Variants in EFCAB6 observed in about 807,000 individuals in gnomAD.
EFCAB6 encodes the protein EF-hand calcium-binding domain-containing protein 6.
Under a neutral mutation model 169.8 loss-of-function variants are expected in EFCAB6, and 156 were observed. The ratio of observed to expected loss-of-function variants is 0.92; its 90% CI spans 0.81 to 1.05. EFCAB6 has a LOEUF of 1.05. Ranked by LOEUF, EFCAB6 falls within the 50% of genes least tolerant of loss-of-function variation. The pLI, the probability that EFCAB6 is intolerant of heterozygous loss-of-function variation, is 0.00. For missense variants in EFCAB6, 1,800 were observed against 1,829.1 expected (o/e 0.98, Z 0.29); for synonymous variants, 698 against 676.4 (o/e 1.03, Z -0.50).
At chr22:43,728,683 T>A (rs1457389388) in intron 8 of EFCAB6, among the ~76,000 whole-genome samples, 1 of 152,232 alleles carries the variant, frequency 6.6e-6, no homozygotes, top group Admixed American at 6.5e-5. Flanking sequence ...CTTTTTTTCA[T>A]ATGTTTGTTG....
intron 22 of EFCAB6, among the ~76,000 whole-genome samples, chr22:43,601,399 T>C (rs2052512222): frequency 6.6e-6 from 1 of 152,244 alleles, no homozygotes; most frequent in African/African-American, 2.4e-5. Flanking sequence ...AAAAATGGCA[T>C]TCGCAGATGT....
intron 17 of EFCAB6, among the ~76,000 whole-genome samples, chr22:43,657,718 A>G (rs2056816310): frequency 6.6e-6 from 1 of 152,196 alleles, no homozygotes; most frequent in Non-Finnish European, 1.5e-5. Flanking sequence ...CTAAATTCAA[A>G]TTAAGTAGAA....
At chr22:43,591,114 T>G (rs1009702954) in intron 23 of EFCAB6, among the ~76,000 whole-genome samples, 3 of 129,756 alleles carry the variant, frequency 2.3e-5, no homozygotes, top group African/African-American at 8.7e-5. Flanking sequence ...GTTTTTTGTT[T>G]TTTTTTTTTG....
intron 1 of EFCAB6, among the ~76,000 whole-genome samples, chr22:43,809,582 CTTTTGTTTTGTTT>C (rs2063034983): frequency 6.6e-6 from 1 of 152,098 alleles, no homozygotes; most frequent in Non-Finnish European, 1.5e-5. Flanking sequence ...TCCCTGTTGC[CTTTTGTTTTGTTT>C]TTTTGTTTGG....
chr22:43,711,575 G>T lies in EFCAB6; in HGVS notation c.931C>A (p.Pro311Thr). 1 of 1,602,992 alleles carries T rather than the reference G, an allele frequency of 6.2e-7. No individual in the cohort carries two copies. Among genetic ancestry groups the T allele is most frequent in the African/African-American group, 1.3e-5 (1 of 74,090 alleles). ...AAAGACACGTAGCCACCTTTACAGG[G>T]GTCCCCTGCACTGAGGGCCTTTTCA... ...KVEKALSAGD[P>T]CKGGYVSFNY... Residue 311 changes from proline to threonine, a missense_variant, in exon 10 of 32, where the codon CCC (proline) becomes ACC (threonine). Transcript: ENST00000262726.
At chr22:43,802,740 G>A (rs757068898) in intron 2 of EFCAB6, 60 of 508,390 alleles carry the variant, frequency 1.2e-4, no homozygotes, top group South Asian at 4.2e-4. Context: ...AAAACAGACC[G>A]GGCACAGAAA....
In EFCAB6 at chr22:43,667,195, C is replaced by A. The variant is rs753233509; in HGVS notation, c.1892G>T (p.Cys631Phe). The A allele has an allele frequency of 6.2e-6, 10 of 1,614,114 alleles. No individual in the cohort carries two copies. The highest frequency in any genetic ancestry group is 8.5e-6 in the Non-Finnish European group (10 of 1,180,012). The change falls in exon 17 of 32, where the codon TGT (cysteine) becomes TTT (phenylalanine). Residue 631 changes from cysteine to phenylalanine, a missense_variant. Coordinates refer to ENST00000262726, the MANE Select transcript of EFCAB6 (RefSeq NM_022785.4). ...GAATGCCGGGTCCTGCTGCTGTATA[C>A]ACTTTTTGAATTTTTCAATCACTTC... ...TEEVIEKFKK[C>F]IQQQDPAFKK...
chr22:43,779,518 G>A (rs1206055407), intron 3 of EFCAB6, among the ~76,000 whole-genome samples: 3 of 152,152 alleles, frequency 2.0e-5, no homozygotes. Context: ...GAGGTGGGCG[G>A]ATCACAAGGT....
chr22:43,540,606 G>T, intron 27 of EFCAB6: 1 of 1,407,274 alleles, frequency 7.1e-7, no homozygotes, highest in Non-Finnish European at 9.3e-7. Context: ...AATTGAATTG[G>T]GCCCTCAGTG....
chr22:43,586,895 G>A (rs759581149), intron 24 of EFCAB6, among the ~76,000 whole-genome samples: 2 of 152,098 alleles, frequency 1.3e-5, no homozygotes, highest in South Asian at 2.1e-4. Flanking sequence ...TTTGGGGACC[G>A]CTGGCATAAA....
intron 15 of EFCAB6, among the ~76,000 whole-genome samples, chr22:43,671,283 C>T (rs2057481297): frequency 1.3e-5 from 2 of 152,126 alleles, no homozygotes; most frequent in African/African-American, 2.4e-5. Context: ...CTCACTGCAA[C>T]CTCCGCCTCC....
chr22:43,683,665 G>A (rs888866484), intron 12 of EFCAB6, 82 bp downstream of exon 12: 5 of 968,174 alleles, frequency 5.2e-6, no homozygotes, highest in Non-Finnish European at 8.3e-6. Context: ...AACGAATATG[G>A]AGTTGTTATT....
chr22:43,585,870 T>G (rs754908953), intron 24 of EFCAB6, among the ~76,000 whole-genome samples: 1 of 152,160 alleles, frequency 6.6e-6, no homozygotes, highest in Non-Finnish European at 1.5e-5. Flanking sequence ...ACTGAAATAT[T>G]TGCAGTGTTG....
chr22:43,565,698 T>G (rs73887344), intron 26 of EFCAB6, among the ~76,000 whole-genome samples: 1 of 152,148 alleles, frequency 6.6e-6, no homozygotes. Context: ...ATATACTAAG[T>G]TTTGTTCTGA....
intron 17 of EFCAB6, among the ~76,000 whole-genome samples, chr22:43,636,454 C>T (rs1019053910): frequency 2.0e-5 from 3 of 152,034 alleles, no homozygotes; most frequent in African/African-American, 4.8e-5. Context: ...AGGCTCCACA[C>T]GGATCTCATT....
intron 13 of EFCAB6, among the ~76,000 whole-genome samples, chr22:43,675,433 AG>A (rs1216107137): frequency 1.6e-5 from 2 of 126,844 alleles, no homozygotes; most frequent in African/African-American, 5.8e-5. Flanking sequence ...AATATAATAT[AG>A]GATTATAATA....
In EFCAB6 at chr22:43,555,056, G is replaced by C; in HGVS notation, c.3461C>G (p.Pro1154Arg). Residue 1154 changes from proline (P) to arginine (R), a missense_variant, in exon 27 of 32, where the codon CCG (proline) becomes CGG (arginine). Transcript: ENST00000262726. ...GGCTGTGGCCTTGGGAGAGGTAGGCGGCGGGCCTTTGGGCATTTTCTCAGC... is the reference window on the plus strand; with the variant it reads ...GGCTGTGGCCTTGGGAGAGGTAGGCCGCGGGCCTTTGGGCATTTTCTCAGC... ...EWAEKMPKGP[P>R]PTSPKATADR... is the part of the protein sequence containing the mutation. 1 of 1,614,210 alleles carries C rather than the reference G, an allele frequency of 6.2e-7. No individual in the cohort carries two copies. Among genetic ancestry groups the C allele is most frequent in the Admixed American group, 1.7e-5 (1 of 60,034 alleles).
intron 20 of EFCAB6, among the ~76,000 whole-genome samples, chr22:43,617,532 C>T (rs1314003989): frequency 6.6e-6 from 1 of 152,200 alleles, no homozygotes; most frequent in East Asian, 1.9e-4. Flanking sequence ...CATCCATTTT[C>T]CCCTTCCTCA....
intron 5 of EFCAB6, chr22:43,760,048 T>C (rs55735996): frequency 0.23 from 34,357 of 151,656 alleles, 5,114 homozygotes; most frequent in East Asian, 0.61. Context: ...CCACTAAAAG[T>C]ACAAAAATTA....
Sources: allele counts gnomAD v4.1 joint callset (sites outside exome capture counted in the v4.1 genomes callset), GRCh38; gene constraint gnomAD v4.1.1; transcripts MANE v1.5; gene names NCBI Gene and HGNC (gene_info 2026-07-23, HGNC 2026-07-21).